LDAH: variants seen among roughly 807,000 people sequenced by gnomAD.
LDAH encodes the protein lipid droplet associated hydrolase.
A neutral mutation model predicts 29.6 loss-of-function variants in LDAH; 26 were observed. That is an observed-to-expected ratio of 0.88 (90% CI 0.64 to 1.22). The LOEUF is 1.22. Ranked by LOEUF, LDAH falls within the 50% of genes most tolerant of loss-of-function variation. LDAH has a pLI of 0.00. For missense variants in LDAH, 344 were observed against 387.3 expected (o/e 0.89, Z 0.94); for synonymous variants, 117 against 133.0 (o/e 0.88, Z 0.83).
chr2:20,795,467 C>A (rs556473311), intron 2 of LDAH, among the ~76,000 whole-genome samples: 3 of 152,216 alleles, frequency 2.0e-5, no homozygotes, highest in South Asian at 2.1e-4. Context: ...CTCCATATGA[C>A]CTCCTAAGAA....
At chr2:20,720,414 A>G (rs115370364) in intron 5 of LDAH, among the ~76,000 whole-genome samples, 2,061 of 152,170 alleles carry the variant, frequency 0.014, 50 homozygotes, top group African/African-American at 0.047. Flanking sequence ...TGAATTTAAC[A>G]AAACAAGTTT....
At chr2:20,753,332 C>T (rs1668092176) in intron 4 of LDAH, among the ~76,000 whole-genome samples, 1 of 152,080 alleles carries the variant, frequency 6.6e-6, no homozygotes, top group Non-Finnish European at 1.5e-5. Context: ...TGACTTGGGC[C>T]CATCTCCTTT....
At chr2:20,799,079 T>C (rs986156013) in intron 2 of LDAH, among the ~76,000 whole-genome samples, 7 of 151,416 alleles carry the variant, frequency 4.6e-5, no homozygotes, top group Non-Finnish European at 8.8e-5. Flanking sequence ...CTACAAAAAT[T>C]AGCCAGGCAT....
intron 4 of LDAH, among the ~76,000 whole-genome samples, chr2:20,757,223 A>G (rs1383447660): frequency 6.6e-6 from 1 of 152,258 alleles, no homozygotes; most frequent in Non-Finnish European, 1.5e-5. Flanking sequence ...GAAGCCAAGA[A>G]GCTGAAGAGA....
chr2:20,684,986 T>C lies in LDAH; in HGVS notation c.*1917A>G. The C allele has an allele frequency of 4.5e-6, 7 of 1,544,790 alleles. No individual in the cohort carries two copies. Among genetic ancestry groups the C allele is most frequent in the Non-Finnish European group, 6.1e-6 (7 of 1,144,224 alleles). On this transcript the variant is annotated 3_prime_UTR_variant, in exon 7 of 7. Transcript: ENST00000237822. The stretch of plus-strand genomic sequence containing the variant: ...TAAAAGAGAGACTTTGAGCCGAGTC[T>C]AACTCAGGAGAACTGCTCAAATTGT...
At chr2:20,726,211 T>C (rs1026125954) in intron 5 of LDAH, among the ~76,000 whole-genome samples, 2 of 152,180 alleles carry the variant, frequency 1.3e-5, no homozygotes, top group African/African-American at 4.8e-5. Context: ...CATCTGCACA[T>C]ATCCAGGGCT....
intron 1 of LDAH, among the ~76,000 whole-genome samples, chr2:20,820,345 C>T (rs1343495568): frequency 1.4e-4 from 22 of 152,254 alleles, no homozygotes; most frequent in African/African-American, 4.1e-4. Context: ...GGAGGCATCA[C>T]GCTACCTGAC....
intron 5 of LDAH, among the ~76,000 whole-genome samples, chr2:20,705,443 C>A (rs1246473334): frequency 6.6e-6 from 1 of 152,152 alleles, no homozygotes; most frequent in African/African-American, 2.4e-5. Context: ...AACTTTCTTT[C>A]TGGAAAATTT....
intron 4 of LDAH, among the ~76,000 whole-genome samples, chr2:20,765,227 T>C (rs1668948284): frequency 6.6e-6 from 1 of 152,232 alleles, no homozygotes; most frequent in Non-Finnish European, 1.5e-5. Flanking sequence ...ACGCTTGGGC[T>C]GTTCCTCTCA....
At chr2:20,766,837 G>A (rs1332694771) in intron 4 of LDAH, among the ~76,000 whole-genome samples, 4 of 152,206 alleles carry the variant, frequency 2.6e-5, no homozygotes, top group Admixed American at 6.5e-5. Context: ...TGTGCCCCAC[G>A]TCCTTGAGGC....
At chr2:20,733,478 C>T (rs562310864) in intron 5 of LDAH, among the ~76,000 whole-genome samples, 7 of 150,472 alleles carry the variant, frequency 4.7e-5, no homozygotes, top group Non-Finnish European at 1.0e-4. Context: ...CGGCTCACTG[C>T]AGCCTTGACT....
chr2:20,822,356 G>C (rs1344886967), intron 1 of LDAH, among the ~76,000 whole-genome samples: 1 of 152,006 alleles, frequency 6.6e-6, no homozygotes, highest in Non-Finnish European at 1.5e-5. Flanking sequence ...TGTTAGCCAG[G>C]ATGGTCTCGA....
At chr2:20,811,128 C>T (rs908423933) in intron 1 of LDAH, among the ~76,000 whole-genome samples, 1 of 151,716 alleles carries the variant, frequency 6.6e-6, no homozygotes, top group African/African-American at 2.4e-5. Context: ...CGCCATTCTC[C>T]TGCCTCAGCC....
At chr2:20,799,168 C>T (rs907228626) in intron 2 of LDAH, among the ~76,000 whole-genome samples, 10 of 152,090 alleles carry the variant, frequency 6.6e-5, no homozygotes. Flanking sequence ...TGGAGGGTTG[C>T]AGTGAGCTGA....
chr2:20,704,736 T>C (rs1176432221), intron 5 of LDAH, among the ~76,000 whole-genome samples: 1 of 152,256 alleles, frequency 6.6e-6, no homozygotes, highest in Non-Finnish European at 1.5e-5. Flanking sequence ...TAGGTTATAG[T>C]TTCTTTCTTT....
chr2:20,729,678 T>C (rs1425105568), intron 5 of LDAH, among the ~76,000 whole-genome samples: 1 of 152,216 alleles, frequency 6.6e-6, no homozygotes, highest in Non-Finnish European at 1.5e-5. Context: ...TTTAAGATAG[T>C]TGTAGATTTA....
chr2:20,700,609 T>C (rs1270497079), intron 6 of LDAH, among the ~76,000 whole-genome samples: 1 of 152,194 alleles, frequency 6.6e-6, no homozygotes, highest in Non-Finnish European at 1.5e-5. Context: ...GCAGGTATCA[T>C]AGTTCAGCAC....
chr2:20,758,668 G>A (rs1391705836), intron 4 of LDAH, among the ~76,000 whole-genome samples: 1 of 152,178 alleles, frequency 6.6e-6, no homozygotes, highest in Non-Finnish European at 1.5e-5. Context: ...AAAAATGACT[G>A]GGAAGAATCA....
intron 5 of LDAH, among the ~76,000 whole-genome samples, chr2:20,706,060 T>C (rs1011020714): frequency 1.3e-5 from 2 of 152,202 alleles, no homozygotes; most frequent in African/African-American, 4.8e-5. Flanking sequence ...ATTTAATTCA[T>C]TTACATTTAA....
Sources: gnomAD v4.1 joint callset for allele counts (sites outside exome capture counted in the v4.1 genomes callset) on GRCh38, gnomAD v4.1.1 for gene constraint, MANE v1.5 for transcripts, NCBI Gene and HGNC (gene_info 2026-07-23, HGNC 2026-07-21) for gene names.